Variants in SOX13 observed in about 807,000 individuals in gnomAD.
The protein encoded by SOX13 is SRY-box transcription factor 13, also known as transcription factor SOX-13.
SOX13 carries 28 observed loss-of-function variants against 71.8 expected under a neutral mutation model. That is an observed-to-expected ratio of 0.39 (90% CI 0.29 to 0.53). SOX13 has a LOEUF of 0.53. Among genes scored for constraint, SOX13 ranks in the 20% least tolerant of loss-of-function variants. SOX13 has a pLI of 0.70. For missense variants in SOX13, 627 were observed against 810.3 expected (o/e 0.77, Z 2.75); for synonymous variants, 309 against 317.8 (o/e 0.97, Z 0.29).
chr1:204,124,784 C>T lies in SOX13; in HGVS notation c.1519C>T (p.Arg507Trp), dbSNP rs764258729. The change falls in exon 13 of 14, where the codon CGG becomes TGG. Residue 507 changes from arginine (R) to tryptophan (W), a missense_variant. By Grantham distance (101) the Arg-to-Trp change is moderately radical. Coordinates refer to ENST00000367204, the MANE Select transcript of SOX13 (RefSeq NM_005686.3). ...PKRTCIVEGK[R>W]LRVGEYKALM... ...GCGCACCTGCATCGTGGAGGGCAAG[C>T]GGCTGCGCGTGGGAGAGTACAAGGC... 5.6e-6 allele frequency: 9 copies of T among 1,599,272 alleles called. No homozygotes were observed. The highest frequency in any genetic ancestry group is 2.3e-5 in the South Asian group (2 of 88,278).
At chr1:204,116,333 G>A (rs1408601823) in intron 4 of SOX13, 174 bp from the exon 5 acceptor site, 3 of 1,546,616 alleles carry the variant, frequency 1.9e-6, no homozygotes, top group African/African-American at 2.7e-5. Context: ...GTAGCAACAT[G>A]AAGAGCCCCC....
chr1:204,114,662 C>A, intron 4 of SOX13, 57 bp downstream of exon 4: 1 of 1,344,596 alleles, frequency 7.4e-7, no homozygotes, highest in Non-Finnish European at 1.1e-6. Flanking sequence ...TTCTCCTGGT[C>A]TGGCCACGCA....
chr1:204,082,059 G>A (rs1022240263), intron 1 of SOX13, among the ~76,000 whole-genome samples: 8 of 151,332 alleles, frequency 5.3e-5, no homozygotes, highest in Non-Finnish European at 8.9e-5. Flanking sequence ...CTCTTTTCTT[G>A]GCTGGTGGTG....
intron 1 of SOX13, among the ~76,000 whole-genome samples, chr1:204,077,683 A>G (rs1655811050): frequency 6.6e-6 from 1 of 152,244 alleles, no homozygotes; most frequent in Admixed American, 6.5e-5. Flanking sequence ...GGGAGGATGC[A>G]TCAGAATATT....
chr1:204,125,434 G>A (rs900602887), intron 13 of SOX13, among the ~76,000 whole-genome samples: 1 of 152,152 alleles, frequency 6.6e-6, no homozygotes, highest in African/African-American at 2.4e-5. Context: ...GTTCACACCT[G>A]TAGTCCCAGC....
intron 1 of SOX13, among the ~76,000 whole-genome samples, chr1:204,104,786 C>T (rs948869426): frequency 2.0e-5 from 3 of 152,170 alleles, no homozygotes; most frequent in Non-Finnish European, 4.4e-5. Context: ...CTGAGTCACC[C>T]GTCATGCTAC....
chr1:204,091,585 C>T (rs1250942806), intron 1 of SOX13, among the ~76,000 whole-genome samples: 2 of 152,170 alleles, frequency 1.3e-5, no homozygotes, highest in South Asian at 2.1e-4. Flanking sequence ...ATTGTGGGAA[C>T]AAAGCCTCTT....
intron 1 of SOX13, among the ~76,000 whole-genome samples, chr1:204,090,423 T>TG (rs1485895641): frequency 1.3e-5 from 2 of 150,942 alleles, no homozygotes; most frequent in African/African-American, 4.9e-5. Context: ...TTTTTTTTTT[T>TG]TTTGAGATGT....
rs961203418 is a variant in SOX13, at chr1:204,121,976, C to A, written c.852C>A (p.His284Gln). The A allele has an allele frequency of 5.0e-6, 8 of 1,604,382 alleles. No individual in the cohort carries two copies. Among genetic ancestry groups the A allele is most frequent in the South Asian group, 2.2e-5 (2 of 90,702 alleles). Residue 284 changes from histidine (H) to glutamine (Q), a missense_variant, in exon 8 of 14, where the codon CAC becomes CAA. Physicochemically the swap from His to Gln is conservative, Grantham distance 24. Around this residue, in one of 3 missense-constraint regions of SOX13, gnomAD observed 447 missense variants for 532.2 expected, o/e 0.84. Coordinates refer to ENST00000367204, the MANE Select transcript of SOX13 (RefSeq NM_005686.3). ...VKRPGAMATHHPLQEPSQPLN... is the reference protein window; with the variant it reads ...VKRPGAMATHQPLQEPSQPLN... Reference sequence around the variant, plus strand: ...GGCCTGGGGCCATGGCCACCCACCACCCCCTGCAGGTACCGCCCTCTACCC... The same window carrying A: ...GGCCTGGGGCCATGGCCACCCACCAACCCCTGCAGGTACCGCCCTCTACCC...
intron 7 of SOX13, 101 bp from the exon 8 acceptor site, chr1:204,121,799 G>A (rs533745523): frequency 6.3e-5 from 52 of 824,682 alleles, no homozygotes; most frequent in African/African-American, 4.4e-4. Flanking sequence ...CTGGTCCAGT[G>A]CCGAGCCATT....
intron 1 of SOX13, among the ~76,000 whole-genome samples, chr1:204,096,693 G>A (rs1217470068): frequency 6.6e-6 from 1 of 152,064 alleles, no homozygotes; most frequent in Non-Finnish European, 1.5e-5. Context: ...GGGATTATAT[G>A]CATGAGCCAC....
intron 13 of SOX13, 86 bp downstream of exon 13, chr1:204,124,943 C>A: frequency 1.0e-6 from 1 of 993,370 alleles, no homozygotes; most frequent in Non-Finnish European, 1.5e-6. Flanking sequence ...GTGTGGCCTG[C>A]CTTTGTGTGT....
rs367915996 is a variant in SOX13 at position 204,114,462 on chromosome 1, G to C, written c.331+30G>C. Reference sequence around the variant, plus strand: ...GATGTCTGCCCTAGTTAGAAGCAGAGGCCTGAGGCAGGGAGGTGTTAAGAC... The same window carrying C: ...GATGTCTGCCCTAGTTAGAAGCAGACGCCTGAGGCAGGGAGGTGTTAAGAC... On this transcript the variant is annotated intron_variant, in intron 3 of 13. Coordinates refer to ENST00000367204, the MANE Select transcript of SOX13 (RefSeq NM_005686.3). The C allele has an allele frequency of 1.2e-4, 198 of 1,606,164 alleles. No individual in the cohort carries two copies. In the African/African-American group the frequency reaches 2.4e-3, roughly 19 times the overall value.
chr1:204,093,648 T>C (rs1656190508), intron 1 of SOX13, among the ~76,000 whole-genome samples: 2 of 152,064 alleles, frequency 1.3e-5, no homozygotes, highest in African/African-American at 2.4e-5. Context: ...GGATTTGGAG[T>C]GTCTGTGGAA....
chr1:204,111,606 A>T (rs1656580383), intron 1 of SOX13, among the ~76,000 whole-genome samples: 1 of 152,200 alleles, frequency 6.6e-6, no homozygotes, highest in South Asian at 2.1e-4. Context: ...AGGAACTGCA[A>T]ACTCAGATGC....
intron 1 of SOX13, among the ~76,000 whole-genome samples, chr1:204,088,203 C>T (rs1458179301): frequency 2.0e-5 from 3 of 152,164 alleles, no homozygotes; most frequent in African/African-American, 4.8e-5. Context: ...TGGCTGTGGA[C>T]GTAGCCCTGT....
At chr1:204,079,158 C>T (rs960005323) in intron 1 of SOX13, among the ~76,000 whole-genome samples, 7 of 151,822 alleles carry the variant, frequency 4.6e-5, no homozygotes, top group Admixed American at 6.6e-5. Context: ...ATTAGCCGGG[C>T]GTGGAGGCGT....
intron 1 of SOX13, among the ~76,000 whole-genome samples, chr1:204,076,159 C>T (rs919360469): frequency 1.6e-4 from 25 of 152,258 alleles, no homozygotes; most frequent in Admixed American, 1.2e-3. Flanking sequence ...AAAAATCAAT[C>T]TTGGCTCAAC....
At chr1:204,098,061 A>G (rs1656289511) in intron 1 of SOX13, among the ~76,000 whole-genome samples, 2 of 152,102 alleles carry the variant, frequency 1.3e-5, no homozygotes, top group Admixed American at 6.5e-5. Flanking sequence ...GGATTTCACC[A>G]TGTTGCCTAG....
Sources: allele counts gnomAD v4.1 joint callset (sites outside exome capture counted in the v4.1 genomes callset), GRCh38; gene constraint gnomAD v4.1.1; regional missense constraint gnomAD v4.1.1; transcripts MANE v1.5; gene names NCBI Gene and HGNC (gene_info 2026-07-23, HGNC 2026-07-21).